Variants in UNC13B observed in about 807,000 individuals in gnomAD.
UNC13B encodes unc-13 homolog B.
In UNC13B, 144 loss-of-function variants were observed where a neutral mutation model predicts 211.0. The ratio of observed to expected loss-of-function variants is 0.68; its 90% CI spans 0.60 to 0.78. The LOEUF (loss-of-function observed/expected upper bound fraction) is 0.78. Ranked by LOEUF, UNC13B falls within the 30% of genes least tolerant of loss-of-function variation. The pLI is 0.00. For missense variants in UNC13B, 1,777 were observed against 2,002.0 expected, an observed-to-expected ratio of 0.89 and a Z score of 2.14; for synonymous variants, 709 against 725.8, an observed-to-expected ratio of 0.98 and a Z score of 0.37.
intron 22 of UNC13B, chr9:35,384,904 G>A: frequency 2.9e-6 from 2 of 688,392 alleles, no homozygotes; most frequent in Non-Finnish European, 3.6e-6. Flanking sequence ...TTGCTTTAAA[G>A]TGTGTGAATT....
intron 22 of UNC13B, 69 bp downstream of exon 22, chr9:35,384,383 A>G: frequency 3.2e-6 from 5 of 1,550,842 alleles, no homozygotes; most frequent in Non-Finnish European, 4.4e-6. Context: ...CTGTAGGCCA[A>G]TCTTGGCTAT....
At chr9:35,377,422 A>G (rs1482973418) in intron 15 of UNC13B, 46 bp from the exon 16 acceptor site, 3 of 1,598,412 alleles carry the variant, frequency 1.9e-6, no homozygotes, top group Non-Finnish European at 2.6e-6. Flanking sequence ...CCTCAGCTCA[A>G]CCCTTGGTCT....
At chr9:35,345,251 C>T (rs577051339) in intron 11 of UNC13B, among the ~76,000 whole-genome samples, 59 of 151,956 alleles carry the variant, frequency 3.9e-4, no homozygotes, top group African/African-American at 1.3e-3. Context: ...TGTGGGGGGA[C>T]GACAATACTG....
At chr9:35,383,767 A>G (rs1220715413) in intron 21 of UNC13B, among the ~76,000 whole-genome samples, 6 of 152,162 alleles carry the variant, frequency 3.9e-5, no homozygotes, top group Non-Finnish European at 5.9e-5. Context: ...CTGTCCTGTT[A>G]TCTTTCATAT....
In UNC13B at chr9:35,381,179, A is replaced by G; in HGVS notation, c.10455A>G (p.Val3485=). The G allele has an allele frequency of 2.5e-6, 4 of 1,614,132 alleles. No individual in the cohort carries two copies. The highest frequency in any genetic ancestry group is 3.4e-6 in the Non-Finnish European group (4 of 1,180,016). Residue 3485 remains valine (V), a synonymous_variant, in exon 19 of 40, where the codon GTA becomes GTG. Coordinates refer to ENST00000635942, the MANE Select transcript of UNC13B (RefSeq NM_001371189.2). ...ISVEIKGEEK[V]APYHVQYTCL... ...TGGAGATCAAGGGGGAGGAGAAAGT[A>G]GCCCCATACCACGTGCAGTATACAT...
rs1436331210 is a variant in UNC13B, at chr9:35,377,365, G to A, written c.9836-103G>A. 3.4e-6 allele frequency: 4 copies of A among 1,189,474 alleles called. No homozygotes were observed. The African/African-American group carries it at 4.6e-5, about 14-fold the overall frequency. The allele number at this position is 1,189,474 out of a possible 1,614,324, so 73.7% of individuals were successfully genotyped here. On this transcript the variant is annotated intron_variant, in intron 15 of 39. Coordinates refer to ENST00000635942, the MANE Select transcript of UNC13B (RefSeq NM_001371189.2). The stretch of plus-strand genomic sequence containing the variant: ...ATTGCTGAGAACTAGCAACCAGGCT[G>A]GCTGCATAGTTTCTCCACTGCTCTG...
intron 7 of UNC13B, among the ~76,000 whole-genome samples, chr9:35,259,358 G>T (rs1827123351): frequency 6.6e-6 from 1 of 152,098 alleles, no homozygotes; most frequent in African/African-American, 2.4e-5. Context: ...TTAAGGCTCA[G>T]TTTAAATATC....
chr9:35,231,017 A>T (rs1311521251), intron 2 of UNC13B, 103 bp from the exon 3 acceptor site: 5 of 726,886 alleles, frequency 6.9e-6, no homozygotes, highest in Non-Finnish European at 1.1e-5. Flanking sequence ...TTTCCTGCAC[A>T]TGTAATACTT....
chr9:35,328,604 CT>C (rs1268026771), intron 11 of UNC13B, among the ~76,000 whole-genome samples: 2 of 50,058 alleles, frequency 4.0e-5, no homozygotes, highest in Non-Finnish European at 4.1e-5. Context: ...TGTCCCCTTC[CT>C]TCCTTCCTTC....
intron 7 of UNC13B, among the ~76,000 whole-genome samples, chr9:35,259,662 T>G (rs1463424178): frequency 6.6e-6 from 1 of 151,466 alleles, no homozygotes; most frequent in Non-Finnish European, 1.5e-5. Flanking sequence ...GAGCCATACG[T>G]TTTTGGTATA....
intron 2 of UNC13B, 125 bp from the exon 3 acceptor site, chr9:35,230,995 A>G: frequency 1.6e-6 from 1 of 620,474 alleles, no homozygotes; most frequent in South Asian, 2.3e-5. Flanking sequence ...GTTGTACAAT[A>G]TAGCTTAATT....
chr9:35,168,167 C>G (rs1321789871), intron 1 of UNC13B, among the ~76,000 whole-genome samples: 1 of 152,136 alleles, frequency 6.6e-6, no homozygotes, highest in Non-Finnish European at 1.5e-5. Flanking sequence ...ATCTGCCCAC[C>G]TTGGCCTCCC....
chr9:35,236,106 A>G (rs1476714746), intron 3 of UNC13B, among the ~76,000 whole-genome samples: 1 of 150,842 alleles, frequency 6.6e-6, no homozygotes, highest in African/African-American at 2.4e-5. Context: ...AAATATATTT[A>G]TCACCTCTAA....
rs933188785 is a variant in UNC13B at position 35,307,251 on chromosome 9, G to A, written c.7847G>A (p.Gly2616Asp). 5 of 398,852 alleles carry A rather than the reference G, an allele frequency of 1.3e-5. No homozygotes were observed. The highest frequency in any genetic ancestry group is 1.0e-4 in the African/African-American group (5 of 48,628). 24.7% of individuals were successfully genotyped at this position (398,852 alleles called of 1,614,324 possible). ...SETINTSSFS[G>D]DDTGQGVLSL... Reference sequence around the variant, plus strand: ...ACAATTAATACATCTTCTTTCTCGGGTGATGATACTGGGCAAGGAGTATTG... The same window carrying A: ...ACAATTAATACATCTTCTTTCTCGGATGATGATACTGGGCAAGGAGTATTG... The change falls in exon 9 of 40, where the codon GGT (glycine) becomes GAT (aspartate). Residue 2616 changes from glycine to aspartate, a missense_variant. Gly to Asp is a moderately conservative substitution (Grantham distance 94). Transcript: ENST00000635942.
intron 7 of UNC13B, among the ~76,000 whole-genome samples, chr9:35,284,141 C>G (rs10814220): frequency 0.18 from 27,241 of 152,006 alleles, 2,830 homozygotes; most frequent in Non-Finnish European, 0.24. Flanking sequence ...GCGACTGTAG[C>G]CTGTAGTCCA....
intron 39 of UNC13B, 48 bp downstream of exon 39, chr9:35,403,647 T>C: frequency 2.7e-6 from 1 of 369,378 alleles, no homozygotes; most frequent in African/African-American, 8.4e-5. Context: ...GGGTAAGACT[T>C]GAGGGGTGGG....
chr9:35,324,951 A>G (rs1377615636), intron 11 of UNC13B, among the ~76,000 whole-genome samples: 1 of 152,154 alleles, frequency 6.6e-6, no homozygotes, highest in East Asian at 1.9e-4. Flanking sequence ...GCTTGTCCCA[A>G]TCAAAAGACA....
At chr9:35,262,325 T>G (rs1827327949) in intron 7 of UNC13B, among the ~76,000 whole-genome samples, 1 of 151,972 alleles carries the variant, frequency 6.6e-6, no homozygotes. Flanking sequence ...TTTTCTTTCT[T>G]TCCTTTCTTG....
chr9:35,364,520 T>C, intron 11 of UNC13B: 2 of 1,536,038 alleles, frequency 1.3e-6, no homozygotes, highest in Non-Finnish European at 1.7e-6. Flanking sequence ...TTCTGCCCTT[T>C]TTTCTGCTCT....
Sources: allele counts gnomAD v4.1 joint callset (sites outside exome capture counted in the v4.1 genomes callset), GRCh38; gene constraint gnomAD v4.1.1; transcripts MANE v1.5; gene names NCBI Gene and HGNC (gene_info 2026-07-23, HGNC 2026-07-21).